Variants in TSHR observed in about 807,000 individuals in gnomAD.
The protein encoded by TSHR is thyroid stimulating hormone receptor.
A neutral mutation model predicts 64.1 loss-of-function variants in TSHR; 51 were observed. The observed-to-expected ratio is 0.80, with a 90% CI of 0.64 to 1.01. The LOEUF is 1.01. TSHR is among the 50% of genes least tolerant of loss of function. The pLI is 0.00. For synonymous variants in TSHR, 361 were observed against 361.9 expected (o/e 1.00, Z 0.03); for missense variants, 877 against 942.8 (o/e 0.93, Z 0.91).
At chr14:81,070,005 G>A (rs376662697) in intron 3 of TSHR, among the ~76,000 whole-genome samples, 2 of 152,104 alleles carry the variant, frequency 1.3e-5, no homozygotes, top group East Asian at 3.9e-4. Context: ...AAATACATGA[G>A]TTTCACAAGA....
At chr14:81,015,982 T>A (rs1236150323) in intron 1 of TSHR, among the ~76,000 whole-genome samples, 7 of 152,316 alleles carry the variant, frequency 4.6e-5, no homozygotes, top group Admixed American at 4.6e-4. Context: ...TGAGTAGTAT[T>A]CTATTGTGTA....
chr14:81,108,858 G>A (rs1259995218), intron 8 of TSHR: 40 of 1,468,856 alleles, frequency 2.7e-5, no homozygotes, highest in Non-Finnish European at 3.6e-5. Context: ...AAAGAAGGAA[G>A]AATATAAATG....
intron 1 of TSHR, among the ~76,000 whole-genome samples, chr14:80,974,064 G>A (rs768251576): frequency 7.9e-5 from 12 of 152,208 alleles, no homozygotes; most frequent in Non-Finnish European, 1.6e-4. Context: ...GAGCTCATGA[G>A]CTAATGCTGG....
At chr14:81,078,745 A>C (rs935506036) in intron 3 of TSHR, 2 of 152,286 alleles carry the variant, frequency 1.3e-5, no homozygotes, top group Admixed American at 1.3e-4. Flanking sequence ...AGATCCTGGG[A>C]TGGAGAAAAG....
intron 1 of TSHR, among the ~76,000 whole-genome samples, chr14:81,009,706 T>C (rs1396272510): frequency 6.6e-6 from 1 of 152,174 alleles, no homozygotes; most frequent in Non-Finnish European, 1.5e-5. Flanking sequence ...TTGATGCATG[T>C]AGTCTAGTTT....
Position 81,144,619 on chromosome 14 carries a change from G to C in TSHR, c.*266G>C, listed in dbSNP as rs1891861692. 4.1e-6 allele frequency: 2 copies of C among 492,214 alleles called. No homozygotes were observed. Among genetic ancestry groups the C allele is most frequent in the Non-Finnish European group, 7.3e-6 (2 of 274,868 alleles). The allele number at this position is 492,214 out of a possible 1,614,324, so 30.5% of individuals were successfully genotyped here. ...TCTACACTATCTAGAAGACTTTCTT[G>C]ATGCCAAGTCCAGAGATGTCATTGT... On this transcript the variant is annotated 3_prime_UTR_variant, in exon 10 of 10. Transcript: ENST00000298171.
intron 8 of TSHR, among the ~76,000 whole-genome samples, chr14:81,134,770 T>C (rs1182190940): frequency 6.6e-6 from 1 of 152,018 alleles, no homozygotes; most frequent in Non-Finnish European, 1.5e-5. Context: ...ACAGATAAAA[T>C]GAGAATAAGT....
chr14:81,100,863 C>G (rs1357106051), intron 7 of TSHR, among the ~76,000 whole-genome samples: 1 of 152,220 alleles, frequency 6.6e-6, no homozygotes, highest in African/African-American at 2.4e-5. Context: ...CATCCAAACC[C>G]TCTCCTCTCT....
intron 1 of TSHR, among the ~76,000 whole-genome samples, chr14:81,060,119 C>A (rs1400356190): frequency 2.0e-5 from 3 of 152,036 alleles, no homozygotes; most frequent in African/African-American, 7.2e-5. Flanking sequence ...GGGCTAAACT[C>A]AAAAAATTTT....
chr14:81,116,184 T>A (rs532834944), intron 8 of TSHR, among the ~76,000 whole-genome samples: 2 of 150,026 alleles, frequency 1.3e-5, no homozygotes, highest in Non-Finnish European at 3.0e-5. Context: ...ATAACAATAT[T>A]AACTTTAAAT....
At chr14:81,133,060 G>A (rs1891315925) in intron 8 of TSHR, among the ~76,000 whole-genome samples, 1 of 152,164 alleles carries the variant, frequency 6.6e-6, no homozygotes, top group African/African-American at 2.4e-5. Context: ...TCCAGAATTG[G>A]GAGACTATCA....
chr14:81,044,197 G>A (rs1471986390), intron 1 of TSHR, among the ~76,000 whole-genome samples: 1 of 152,094 alleles, frequency 6.6e-6, no homozygotes, highest in Non-Finnish European at 1.5e-5. Flanking sequence ...TCTGACAAAG[G>A]TCTAATATCC....
At chr14:80,968,781 T>G (rs1273603535) in intron 1 of TSHR, among the ~76,000 whole-genome samples, 1 of 152,206 alleles carries the variant, frequency 6.6e-6, no homozygotes, top group Non-Finnish European at 1.5e-5. Flanking sequence ...CTCTTCCTAA[T>G]GTGTAGCAGC....
chr14:81,100,456 A>G (rs1395170132), intron 7 of TSHR, among the ~76,000 whole-genome samples: 2 of 152,184 alleles, frequency 1.3e-5, no homozygotes, highest in African/African-American at 2.4e-5. Flanking sequence ...CAAGTAATCA[A>G]TTCTCCAATG....
intron 8 of TSHR, among the ~76,000 whole-genome samples, chr14:81,126,711 C>T (rs560390095): frequency 7.9e-4 from 121 of 152,276 alleles, no homozygotes; most frequent in Non-Finnish European, 1.5e-3. Flanking sequence ...GCCAGGAGCT[C>T]GTAACAGTAA....
intron 4 of TSHR, among the ~76,000 whole-genome samples, chr14:81,088,301 G>C (rs939419140): frequency 3.9e-5 from 6 of 152,040 alleles, no homozygotes; most frequent in Admixed American, 6.5e-5. Context: ...TAGTATTTCA[G>C]AACAAAACAA....
At chr14:81,104,670 C>T in intron 7 of TSHR, 2 of 985,454 alleles carry the variant, frequency 2.0e-6, no homozygotes, top group Non-Finnish European at 2.4e-6. Context: ...ACACATAATA[C>T]TGAGTTTGTC....
In TSHR at chr14:80,955,840, A is replaced by C. The variant is rs1198983165; in HGVS notation, c.160A>C (p.Thr54Pro). The change falls in exon 1 of 10, where the codon ACG becomes CCG. Residue 54 changes from threonine (T) to proline (P), a missense_variant. Transcript: ENST00000298171. ...IQRIPSLPPS[T>P]QTLKLIETHL... ...ACGCATCCCCAGCTTACCGCCCAGT[A>C]CGCAGACTCTGTGAGTACCCGGGAG... The C allele has an allele frequency of 1.2e-6, 2 of 1,614,224 alleles. No homozygotes were observed. Among genetic ancestry groups the C allele is most frequent in the Non-Finnish European group, 1.7e-6 (2 of 1,180,040 alleles).
chr14:81,009,008 A>G (rs1335807926), intron 1 of TSHR, among the ~76,000 whole-genome samples: 3 of 152,244 alleles, frequency 2.0e-5, no homozygotes, highest in Admixed American at 6.5e-5. Context: ...AAACTTGATT[A>G]CATTGTCAAA....
Sources: allele counts gnomAD v4.1 joint callset (sites outside exome capture counted in the v4.1 genomes callset), GRCh38; gene constraint gnomAD v4.1.1; transcripts MANE v1.5; gene names NCBI Gene and HGNC (gene_info 2026-07-23, HGNC 2026-07-21).